The following NFS1 variants were observed in gnomAD, a reference collection of about 807,000 sequenced individuals.
NFS1 encodes NFS1 cysteine desulfurase.
NFS1 carries 26 observed loss-of-function variants against 57.3 expected under a neutral mutation model. That is an observed-to-expected ratio of 0.45 (90% CI 0.33 to 0.63). The LOEUF (loss-of-function observed/expected upper bound fraction) is 0.63. Ranked by LOEUF, NFS1 falls within the 20% of genes least tolerant of loss-of-function variation. The pLI, the probability that NFS1 is intolerant of heterozygous loss-of-function variation, is 0.02. For missense variants in NFS1, 505 were observed against 605.8 expected (o/e 0.83, Z 1.75); for synonymous variants, 209 against 216.3 (o/e 0.97, Z 0.30).
chr20:35,682,073 T>C, intron 5 of NFS1, 92 bp from the exon 6 acceptor site: 2 of 656,596 alleles, frequency 3.0e-6, no homozygotes, highest in East Asian at 5.5e-5. Context: ...AAAGGAGTCT[T>C]ATACTACATA....
intron 7 of NFS1, among the ~76,000 whole-genome samples, chr20:35,676,758 GAAAAAAAAAA>G (rs746820595): frequency 1.7e-4 from 3 of 18,136 alleles, no homozygotes; most frequent in Admixed American, 9.1e-4. Flanking sequence ...GAGAAAATCA[GAAAAAAAAAA>G]AAAAAAAAAA....
intron 5 of NFS1, among the ~76,000 whole-genome samples, chr20:35,684,546 T>A (rs2034907300): frequency 6.6e-6 from 1 of 151,038 alleles, no homozygotes; most frequent in African/African-American, 2.5e-5. Flanking sequence ...AGGTCAGGAG[T>A]TTGGACCAGC....
chr20:35,683,737 G>A lies in NFS1; in HGVS notation c.562-1756C>T, dbSNP rs2146424206. On this transcript the variant is annotated intron_variant, in intron 5 of 12. Coordinates refer to ENST00000374092, the MANE Select transcript of NFS1 (RefSeq NM_021100.5). ...GCAGAGGTTGCAGTGAGCCGAGATT[G>A]CACCACTGCACTCCATGCACTCCAG... Among the ~76,000 whole-genome samples, 3 of 140,874 alleles carry A rather than the reference G, an allele frequency of 2.1e-5. 1 individual carries two copies. The Middle Eastern group carries it at 0.013, about 592-fold the overall frequency. 92.4% of individuals were successfully genotyped at this position (140,874 alleles called of 152,430 possible). A position where few individuals can be genotyped will look rare whatever the true frequency, so the allele number is the denominator to read the frequency against.
chr20:35,680,886 G>C lies in NFS1; in HGVS notation c.656-15C>G, dbSNP rs375289504. ...GCAAATCCGCCCTGAGGAAACAGAG[G>C]GGAAGACCCACAGCACAATGTTGGA... On this transcript the variant is annotated splice_polypyrimidine_tract_variant and intron_variant, in intron 6 of 12. Transcript: ENST00000374092. The C allele has an allele frequency of 6.7e-7, 1 of 1,483,198 alleles. No homozygotes were observed. The highest frequency in any genetic ancestry group is 2.6e-5 in the East Asian group (1 of 38,586). The allele number at this position is 1,483,198 out of a possible 1,614,324, so 91.9% of individuals were successfully genotyped here. A position where few individuals can be genotyped will look rare whatever the true frequency, so the allele number is the denominator to read the frequency against.
rs185251941 is a variant in NFS1, at chr20:35,668,760, G to A, written c.*862C>T. ...CACTAAAATTTAAAACTCAGTGAGG[G>A]CAGGGTCTTTTTTGGTCCTGTTAAC... On this transcript the variant is annotated 3_prime_UTR_variant, in exon 13 of 13. Coordinates refer to ENST00000374092, the MANE Select transcript of NFS1 (RefSeq NM_021100.5). The A allele has an allele frequency of 6.6e-6, 1 of 152,314 alleles. No homozygotes were observed. Among genetic ancestry groups the A allele is most frequent in the Admixed American group, 6.5e-5 (1 of 15,294 alleles). 9.4% of individuals were successfully genotyped at this position (152,314 alleles called of 1,614,324 possible).
At position 35,669,703 on chromosome 20, in the gene NFS1, C is replaced by T. The variant is rs899642438; in HGVS notation, c.1311-18G>A. ...AGAGAGGGCTGCCAAAGAGAAGAGG[C>T]ATTAAATGAGTGAGGGCTTAGATAG... On this transcript the variant is annotated intron_variant, in intron 12 of 12. Transcript: ENST00000374092. 6.2e-7 allele frequency: 1 copy of T among 1,612,632 alleles called. No homozygotes were observed.
intron 5 of NFS1, among the ~76,000 whole-genome samples, chr20:35,684,216 C>G (rs1017518557): frequency 1.3e-4 from 19 of 150,836 alleles, no homozygotes; most frequent in Non-Finnish European, 2.5e-4. Flanking sequence ...GACCATACTG[C>G]CTAACACAGT....
At position 35,675,217 on chromosome 20, in the gene NFS1, T is replaced by C. The variant is rs1301221894; in HGVS notation, c.791-15A>G. ...GGCACCAACCCCTGGGAAACAAAAT[T>C]TGTTACAAAAAACAGAAAGAGAGAA... On this transcript the variant is annotated splice_polypyrimidine_tract_variant and intron_variant, in intron 7 of 12. Coordinates refer to ENST00000374092, the MANE Select transcript of NFS1 (RefSeq NM_021100.5). The C allele has an allele frequency of 6.3e-7, 1 of 1,576,306 alleles. No individual in the cohort carries two copies. Among genetic ancestry groups the C allele is most frequent in the South Asian group, 1.1e-5 (1 of 87,388 alleles).
intron 7 of NFS1, chr20:35,675,560 C>T (rs1015404048): frequency 4.3e-6 from 1 of 230,146 alleles, no homozygotes. Context: ...CATGTCCATA[C>T]AATGAAATAC....
At chr20:35,689,052 C>T (rs1451067983) in intron 5 of NFS1, among the ~76,000 whole-genome samples, 4 of 152,206 alleles carry the variant, frequency 2.6e-5, no homozygotes, top group Non-Finnish European at 4.4e-5. Flanking sequence ...GAAAATGACA[C>T]TACTTCTTTA....
chr20:35,686,282 G>A (rs191260609), intron 5 of NFS1, among the ~76,000 whole-genome samples: 25 of 149,878 alleles, frequency 1.7e-4, no homozygotes, highest in Admixed American at 2.7e-4. Flanking sequence ...CCCGGGAGGC[G>A]GAGGTTGTGG....
At chr20:35,685,972 C>G (rs557706346) in intron 5 of NFS1, among the ~76,000 whole-genome samples, 2 of 150,198 alleles carry the variant, frequency 1.3e-5, no homozygotes, top group East Asian at 4.1e-4. Flanking sequence ...TTTTGTCACC[C>G]AGGCTAGAGT....
intron 3 of NFS1, among the ~76,000 whole-genome samples, chr20:35,697,145 A>G (rs977722140): frequency 6.6e-6 from 1 of 150,948 alleles, no homozygotes; most frequent in Non-Finnish European, 1.5e-5. Context: ...AAATACAAAA[A>G]TATTAGCTAG....
intron 7 of NFS1, among the ~76,000 whole-genome samples, chr20:35,677,538 T>C (rs1237646220): frequency 6.6e-6 from 1 of 151,714 alleles, no homozygotes; most frequent in Non-Finnish European, 1.5e-5. Context: ...AGACCTTGAC[T>C]CAAAAAAACA....
At chr20:35,678,239 C>T (rs985008875) in intron 7 of NFS1, among the ~76,000 whole-genome samples, 3 of 152,108 alleles carry the variant, frequency 2.0e-5, no homozygotes, top group Non-Finnish European at 4.4e-5. Flanking sequence ...CCTGTAGTCC[C>T]AGCTGCTTGG....
At chr20:35,684,963 T>G (rs1049791405) in intron 5 of NFS1, among the ~76,000 whole-genome samples, 4 of 151,084 alleles carry the variant, frequency 2.6e-5, no homozygotes, top group African/African-American at 9.8e-5. Flanking sequence ...TCTCACTCAC[T>G]GCAACCTCCG....
intron 7 of NFS1, among the ~76,000 whole-genome samples, chr20:35,677,064 A>G (rs2034766002): frequency 6.6e-6 from 1 of 152,052 alleles, no homozygotes; most frequent in African/African-American, 2.4e-5. Context: ...ACGGGGTTTC[A>G]CCATGTTGGA....
chr20:35,690,173 G>A (rs2035018610), intron 5 of NFS1, among the ~76,000 whole-genome samples: 1 of 151,904 alleles, frequency 6.6e-6, no homozygotes, highest in South Asian at 2.1e-4. Flanking sequence ...ACTCTAGCCT[G>A]GGCAAAAGAG....
Position 35,668,983 on chromosome 20 carries a change from A to G in NFS1, c.*639T>C, listed in dbSNP as rs1020555583. The G allele has an allele frequency of 6.6e-6, 1 of 152,188 alleles. No individual in the cohort carries two copies. The highest frequency in any genetic ancestry group is 2.4e-5 in the African/African-American group (1 of 41,432). The allele number at this position is 152,188 out of a possible 1,614,324, so 9.4% of individuals were successfully genotyped here. On this transcript the variant is annotated 3_prime_UTR_variant, in exon 13 of 13. Transcript: ENST00000374092. ...CACAGAGTAAATAGAAGGTGAGTTT[A>G]TTTCTCCAGTCTTGAAATTAACAAT...
Sources: allele counts gnomAD v4.1 joint callset (sites outside exome capture counted in the v4.1 genomes callset), GRCh38; gene constraint gnomAD v4.1.1; transcripts MANE v1.5; gene names NCBI Gene and HGNC (gene_info 2026-07-23, HGNC 2026-07-21).